ERG: variants seen among roughly 807,000 people sequenced by gnomAD.
The protein encoded by ERG is transcriptional regulator ERG.
Under a neutral mutation model 55.3 loss-of-function variants are expected in ERG, and 9 were observed. That is an observed-to-expected ratio of 0.16 (90% CI 0.10 to 0.28). The LOEUF (loss-of-function observed/expected upper bound fraction) is 0.28. Ranked by LOEUF, ERG falls within the 10% of genes least tolerant of loss-of-function variation. The probability of loss-of-function intolerance (pLI) is 1.00; values close to 1 mark genes in which losing one functional copy is unlikely to be tolerated. For synonymous variants in ERG, 223 were observed against 237.3 expected (o/e 0.94, Z 0.55); for missense variants, 434 against 631.6 (o/e 0.69, Z 3.35).
At chr21:38,389,415 CAT>C (rs1025858149) in intron 9 of ERG, among the ~76,000 whole-genome samples, 5 of 152,198 alleles carry the variant, frequency 3.3e-5, no homozygotes, top group Admixed American at 2.6e-4. Context: ...TGTTATTTCA[CAT>C]GATTGTATTA....
chr21:38,382,640 T>C lies in ERG; in HGVS notation c.*763A>G. ...ATGTCCTGAGTCCAGTCTTCATTGCTTGAGAAGTTTCTTTCCCAGCCCTGG... is the reference window on the plus strand; with the variant it reads ...ATGTCCTGAGTCCAGTCTTCATTGCCTGAGAAGTTTCTTTCCCAGCCCTGG... On this transcript the variant is annotated 3_prime_UTR_variant, in exon 10 of 10. Transcript: ENST00000288319. 1 of 1,066,978 alleles carries C rather than the reference T, an allele frequency of 9.4e-7. No homozygotes were observed. Among genetic ancestry groups the C allele is most frequent in the Middle Eastern group, 4.1e-4 (1 of 2,418 alleles). The allele number at this position is 1,066,978 out of a possible 1,614,324, so 66.1% of individuals were successfully genotyped here.
At chr21:38,431,629 T>C (rs1303437853) in intron 2 of ERG, among the ~76,000 whole-genome samples, 1 of 152,180 alleles carries the variant, frequency 6.6e-6, no homozygotes, top group Non-Finnish European at 1.5e-5. Context: ...CTCTGAGCTT[T>C]CTACTAGCCA....
intron 2 of ERG, among the ~76,000 whole-genome samples, chr21:38,532,545 T>C (rs1314492585): frequency 1.3e-5 from 2 of 152,210 alleles, no homozygotes; most frequent in South Asian, 4.1e-4. Flanking sequence ...GTGCCGTATG[T>C]GAAAGGCTGG....
intron 3 of ERG, among the ~76,000 whole-genome samples, chr21:38,407,877 AAT>A (rs1484835649): frequency 6.8e-6 from 1 of 147,632 alleles, no homozygotes; most frequent in Non-Finnish European, 1.5e-5. Context: ...AAAATAATAA[AAT>A]ATATAATATA....
At position 38,460,379 on chromosome 21, in the gene ERG, T is replaced by C. The variant is rs2059030837; in HGVS notation, c.19-14758A>G. Among the ~76,000 whole-genome samples the C allele has an allele frequency of 6.6e-6, 1 of 152,262 alleles. No homozygotes were observed. The highest frequency in any genetic ancestry group is 2.1e-4 in the South Asian group (1 of 4,838). On this transcript the variant is annotated intron_variant, in intron 1 of 9. Coordinates refer to ENST00000288319, the MANE Select transcript of ERG (RefSeq NM_182918.4). The surrounding 1 kb of genome is among the most constrained non-coding windows in gnomAD (Gnocchi z 5.0). Reference sequence around the variant, plus strand: ...GGAATTGTCTTCTTCTGTGTTGCACTAATATTTTCCATCTCATAAGGGTTC... The same window carrying C: ...GGAATTGTCTTCTTCTGTGTTGCACCAATATTTTCCATCTCATAAGGGTTC...
At chr21:38,645,173 G>A (rs917788030) in intron 1 of ERG, among the ~76,000 whole-genome samples, 3 of 151,954 alleles carry the variant, frequency 2.0e-5, no homozygotes, top group South Asian at 2.1e-4. Flanking sequence ...AAAAATAAAC[G>A]ATTTTAAAAA....
chr21:38,614,975 T>A (rs1180398048), intron 1 of ERG, among the ~76,000 whole-genome samples: 1 of 152,212 alleles, frequency 6.6e-6, no homozygotes, highest in Non-Finnish European at 1.5e-5. Flanking sequence ...ATCAGAAGTC[T>A]TAGGTATTTA....
intron 1 of ERG, among the ~76,000 whole-genome samples, chr21:38,625,915 CTTTTTTTTTTTTTTT>C (rs397797559): frequency 1.2e-5 from 1 of 84,430 alleles, no homozygotes; most frequent in African/African-American, 5.0e-5. Flanking sequence ...ACTTGAAGCT[CTTTTTTTTTTTTTTT>C]TTTTTTTTTT....
chr21:38,624,214 A>T (rs1315102561), intron 1 of ERG, among the ~76,000 whole-genome samples: 3 of 150,942 alleles, frequency 2.0e-5, no homozygotes, highest in Non-Finnish European at 4.4e-5. Flanking sequence ...ACATTACACC[A>T]AGCACCTGGC....
chr21:38,371,211 T>G, the ERG span, among the ~76,000 whole-genome samples: 4 of 152,064 alleles, frequency 2.6e-5, no homozygotes, highest in Non-Finnish European at 5.9e-5. Flanking sequence ...TCAATGTATA[T>G]GTTAGTATGT....
At chr21:38,517,073 G>A (rs1275886801) in intron 2 of ERG, among the ~76,000 whole-genome samples, 2 of 151,988 alleles carry the variant, frequency 1.3e-5, no homozygotes, top group African/African-American at 2.4e-5. Flanking sequence ...TGATGGCTAA[G>A]ACCTCAAAAG....
At chr21:38,484,582 T>A (rs754753852) in intron 1 of ERG, among the ~76,000 whole-genome samples, 1 of 152,256 alleles carries the variant, frequency 6.6e-6, no homozygotes, top group Admixed American at 6.5e-5. Flanking sequence ...AAAGTTTGGT[T>A]AACATGTCAG....
rs1987506562 is a variant in ERG, at chr21:38,382,741, C to G, written c.*662G>C. ...ATCACACGCTCACTCTATACACATC[C>G]TCAGTCCCACCTTTTAGTTCATAGT... is the stretch of plus-strand genomic sequence containing the variant. On this transcript the variant is annotated 3_prime_UTR_variant, in exon 10 of 10. Transcript: ENST00000288319. The G allele has an allele frequency of 9.4e-7, 1 of 1,066,472 alleles. No homozygotes were observed. The highest frequency in any genetic ancestry group is 5.0e-5 in the East Asian group (1 of 20,164). The allele number at this position is 1,066,472 out of a possible 1,614,324, so 66.1% of individuals were successfully genotyped here.
intron 8 of ERG, 43 bp downstream of exon 8, chr21:38,391,616 T>G (rs779516711): frequency 4.0e-6 from 6 of 1,503,498 alleles, no homozygotes; most frequent in Non-Finnish European, 5.5e-6. Flanking sequence ...CTGCTGAGCC[T>G]GAATCTTCTC....
intron 1 of ERG, among the ~76,000 whole-genome samples, chr21:38,463,069 G>A (rs921086793): frequency 1.3e-5 from 2 of 152,160 alleles, no homozygotes; most frequent in African/African-American, 2.4e-5. Context: ...TGGTACACCT[G>A]GTGCATCTCT....
chr21:38,516,449 T>C (rs1247627560), intron 2 of ERG, among the ~76,000 whole-genome samples: 1 of 151,432 alleles, frequency 6.6e-6, no homozygotes, highest in Non-Finnish European at 1.5e-5. Flanking sequence ...AAAACACTAA[T>C]GAAAGAAATG....
chr21:38,433,830 T>C (rs1001840086), intron 2 of ERG, among the ~76,000 whole-genome samples: 3 of 152,200 alleles, frequency 2.0e-5, no homozygotes, highest in Non-Finnish European at 4.4e-5. Flanking sequence ...GAAATCAATA[T>C]GTCTTCTTCT....
At chr21:38,615,466 A>G (rs466310) in intron 1 of ERG, among the ~76,000 whole-genome samples, 148,037 of 152,000 alleles carry the variant, frequency 0.97, 72,108 homozygotes, top group East Asian at 1. Flanking sequence ...AAAAGTCTTC[A>G]AGTAAAGGAG....
At chr21:38,402,668 A>G (rs2146453619) in intron 4 of ERG, 31 bp from the exon 5 acceptor site, 1 of 1,261,886 alleles carries the variant, frequency 7.9e-7, no homozygotes, top group Non-Finnish European at 1.1e-6. Context: ...CGACATCAAA[A>G]TGAAAAAAAA....
Sources: allele counts gnomAD v4.1 joint callset (sites outside exome capture counted in the v4.1 genomes callset), GRCh38; gene constraint gnomAD v4.1.1; non-coding constraint Gnocchi (gnomAD v3.1); transcripts MANE v1.5; gene names NCBI Gene and HGNC (gene_info 2026-07-23, HGNC 2026-07-21).